DAB1: variants seen among roughly 807,000 people sequenced by gnomAD.
The protein encoded by DAB1 is disabled homolog 1.
DAB1 carries 15 observed loss-of-function variants against 64.6 expected under a neutral mutation model. The ratio of observed to expected loss-of-function variants is 0.23; its 90% CI spans 0.16 to 0.36. The LOEUF (loss-of-function observed/expected upper bound fraction) is 0.36, where lower values mean the gene tolerates loss of function less well. Ranked by LOEUF, DAB1 falls within the 10% of genes least tolerant of loss-of-function variation. The pLI is 1.00. For synonymous variants in DAB1, 235 were observed against 251.9 expected, an observed-to-expected ratio of 0.93 and a Z score of 0.64; for missense variants, 596 against 706.7, an observed-to-expected ratio of 0.84 and a Z score of 1.78.
chr1:57,502,891 G>A (rs924470133), intron 7 of DAB1, among the ~76,000 whole-genome samples: 2 of 152,142 alleles, frequency 1.3e-5, no homozygotes, highest in African/African-American at 4.8e-5. Context: ...ATAAAACCCT[G>A]GAAATTTGAA....
At position 58,450,156 on chromosome 1, in the gene DAB1, A is replaced by T. The variant is rs749622531; in HGVS notation, n.257+55904T>A. On this transcript the variant is annotated intron_variant and non_coding_transcript_variant, in intron 3 of 20. Coordinates refer to the DAB1 transcript ENST00000485760. ...ACTGAAAACCCTGCAAATAAATCAT[A>T]GAGCAGCTATCTAAGGACTCTGAAA... Among the ~76,000 whole-genome samples the T allele has an allele frequency of 2.0e-5, 3 of 152,344 alleles. No individual in the cohort carries two copies. In the East Asian group the frequency reaches 5.8e-4, roughly 29 times the overall value.
At chr1:57,819,102 T>C (rs1347875555) in intron 6 of DAB1, among the ~76,000 whole-genome samples, 9 of 152,234 alleles carry the variant, frequency 5.9e-5, no homozygotes, top group Admixed American at 4.6e-4. Flanking sequence ...ATATGACTGA[T>C]GGATGTAGAC....
intron 6 of DAB1, among the ~76,000 whole-genome samples, chr1:57,687,117 C>T (rs1646706972): frequency 6.6e-6 from 1 of 152,154 alleles, no homozygotes; most frequent in Non-Finnish European, 1.5e-5. Flanking sequence ...TCTCTTCACT[C>T]ATGATATATT....
intron 7 of DAB1, among the ~76,000 whole-genome samples, chr1:57,459,161 C>T (rs150535179): frequency 6.6e-6 from 1 of 152,142 alleles, no homozygotes; most frequent in East Asian, 1.9e-4. Flanking sequence ...GGTTTCAACA[C>T]TTATGACATA....
At chr1:57,000,593 G>A (rs1054609363) in intron 14 of DAB1, among the ~76,000 whole-genome samples, 3 of 152,144 alleles carry the variant, frequency 2.0e-5, no homozygotes, top group African/African-American at 7.2e-5. Flanking sequence ...CATGTTGTAA[G>A]GCTAAACATG....
At chr1:57,555,900 T>A (rs1341307301) in intron 7 of DAB1, among the ~76,000 whole-genome samples, 1 of 152,174 alleles carries the variant, frequency 6.6e-6, no homozygotes, top group African/African-American at 2.4e-5. Context: ...ACATTCTATT[T>A]AAAAATGACC....
chr1:58,443,609 T>C (rs1645035784), intron 3 of DAB1, among the ~76,000 whole-genome samples: 2 of 152,332 alleles, frequency 1.3e-5, no homozygotes, highest in Middle Eastern at 3.4e-3. Flanking sequence ...TAATGTAAGA[T>C]ATTAACCTTG....
intron 7 of DAB1, among the ~76,000 whole-genome samples, chr1:57,558,928 T>C (rs889209774): frequency 6.6e-6 from 1 of 152,158 alleles, no homozygotes; most frequent in African/African-American, 2.4e-5. Flanking sequence ...GTGAAATAGA[T>C]TTGTGTCAGC....
At chr1:57,685,035 C>A (rs1646679395) in intron 6 of DAB1, among the ~76,000 whole-genome samples, 1 of 151,752 alleles carries the variant, frequency 6.6e-6, no homozygotes, top group South Asian at 2.1e-4. Flanking sequence ...TTACTGCAAC[C>A]TATGCCTCCC....
At chr1:57,889,718 A>C (rs1266512732) in intron 5 of DAB1, among the ~76,000 whole-genome samples, 1 of 152,160 alleles carries the variant, frequency 6.6e-6, no homozygotes, top group Non-Finnish European at 1.5e-5. Context: ...GGCACTCTGC[A>C]CATAGATTGG....
At chr1:57,510,820 C>G (rs747715000) in intron 7 of DAB1, among the ~76,000 whole-genome samples, 2 of 152,078 alleles carry the variant, frequency 1.3e-5, no homozygotes, top group Non-Finnish European at 2.9e-5. Context: ...GCTCTGTCAC[C>G]CAGGCTAGAA....
chr1:57,626,881 T>C (rs1255611188), intron 7 of DAB1, among the ~76,000 whole-genome samples: 1 of 152,138 alleles, frequency 6.6e-6, no homozygotes, highest in Non-Finnish European at 1.5e-5. Context: ...CCTTGGGGGT[T>C]AGAATTCCAA....
chr1:58,333,598 G>T (rs1343192749), intron 4 of DAB1, among the ~76,000 whole-genome samples: 1 of 152,218 alleles, frequency 6.6e-6, no homozygotes, highest in Non-Finnish European at 1.5e-5. Flanking sequence ...GGCTAATTTG[G>T]CTTGGCAGGA....
intron 6 of DAB1, among the ~76,000 whole-genome samples, chr1:57,775,101 A>C (rs527431422): frequency 3.3e-5 from 5 of 151,558 alleles, no homozygotes; most frequent in African/African-American, 1.2e-4. Context: ...TATAGTATCT[A>C]TGGTGATGTC....
Position 58,387,387 on chromosome 1 carries a change from T to C in DAB1, n.258-43984A>G, listed in dbSNP as rs556414445. On this transcript the variant is annotated intron_variant and non_coding_transcript_variant, in intron 3 of 20. Transcript: ENST00000485760. ...CAATGGAGTACAGATGTTTATATGT[T>C]CTTTTTCATGGGGGAAGGGGAATGG... Among the ~76,000 whole-genome samples, 21 of 152,324 alleles carry C rather than the reference T, an allele frequency of 1.4e-4. No homozygotes were observed. The South Asian group carries it at 4.3e-3, about 32-fold the overall frequency.
intron 3 of DAB1, among the ~76,000 whole-genome samples, chr1:58,366,070 T>A (rs1167566825): frequency 6.6e-6 from 1 of 152,156 alleles, no homozygotes; most frequent in Non-Finnish European, 1.5e-5. Context: ...AGATCAACAC[T>A]GAGCTCCCAA....
At chr1:58,397,576 T>C (rs1644533888) in intron 3 of DAB1, among the ~76,000 whole-genome samples, 1 of 152,184 alleles carries the variant, frequency 6.6e-6, no homozygotes, top group South Asian at 2.1e-4. Context: ...GGGCTCCACA[T>C]ACCTATCCAA....
chr1:57,956,143 G>A (rs1175988485), intron 5 of DAB1, among the ~76,000 whole-genome samples: 1 of 152,100 alleles, frequency 6.6e-6, no homozygotes, highest in Non-Finnish European at 1.5e-5. Flanking sequence ...CTAAGTCAGG[G>A]GAACATTTAT....
chr1:57,410,358 T>A (rs1421085541), intron 1 of DAB1, among the ~76,000 whole-genome samples: 1 of 152,236 alleles, frequency 6.6e-6, no homozygotes, highest in East Asian at 1.9e-4. Flanking sequence ...ATAAAGGGCA[T>A]GAAAGATAGT....
Sources: gnomAD v4.1 joint callset for allele counts (sites outside exome capture counted in the v4.1 genomes callset) on GRCh38, gnomAD v4.1.1 for gene constraint, MANE v1.5 for transcripts, NCBI Gene and HGNC (gene_info 2026-07-23, HGNC 2026-07-21) for gene names.